Variants in MACROD2 observed in about 807,000 individuals in gnomAD.
The protein encoded by MACROD2 is ADP-ribose glycohydrolase MACROD2.
Under a neutral mutation model 70.4 loss-of-function variants are expected in MACROD2, and 36 were observed. The ratio of observed to expected loss-of-function variants is 0.51; its 90% confidence interval spans 0.39 to 0.68. The LOEUF (loss-of-function observed/expected upper bound fraction) is 0.68, where lower values mean the gene tolerates loss of function less well. MACROD2 is among the 30% of genes least tolerant of loss of function. The pLI, the probability that MACROD2 is intolerant of heterozygous loss-of-function variation, is 0.00. For missense variants in MACROD2, 496 were observed against 538.4 expected (o/e 0.92, Z 0.78); for synonymous variants, 172 against 178.8 (o/e 0.96, Z 0.30).
chr20:15,937,194 G>GAAACA (rs1338420704), intron 11 of MACROD2, among the ~76,000 whole-genome samples: 5 of 152,156 alleles, frequency 3.3e-5, no homozygotes, highest in Non-Finnish European at 5.9e-5. Flanking sequence ...GGATGAGGAA[G>GAAACA]AAACAAAATG....
chr20:14,189,993 G>T (rs1416196891), intron 3 of MACROD2, among the ~76,000 whole-genome samples: 1 of 152,092 alleles, frequency 6.6e-6, no homozygotes, highest in Non-Finnish European at 1.5e-5. Flanking sequence ...TCAAGAGGGC[G>T]CCATTAAGCA....
At chr20:14,567,648 T>C (rs960423882) in intron 4 of MACROD2, among the ~76,000 whole-genome samples, 1 of 152,102 alleles carries the variant, frequency 6.6e-6, no homozygotes, top group African/African-American at 2.4e-5. Flanking sequence ...GGTTGGCTCC[T>C]CCTTTAAAGT....
intron 4 of MACROD2, among the ~76,000 whole-genome samples, chr20:14,568,364 T>A (rs1979947087): frequency 6.6e-6 from 1 of 152,002 alleles, no homozygotes; most frequent in South Asian, 2.1e-4. Context: ...GACATGGCAA[T>A]TTGTCGCCTT....
At chr20:15,049,509 G>A (rs962516906) in intron 5 of MACROD2, among the ~76,000 whole-genome samples, 3 of 152,116 alleles carry the variant, frequency 2.0e-5, no homozygotes, top group African/African-American at 7.2e-5. Flanking sequence ...TTTAAAGTGA[G>A]AAGCTAAATC....
At chr20:14,137,987 A>G (rs2054822030) in intron 3 of MACROD2, among the ~76,000 whole-genome samples, 1 of 152,204 alleles carries the variant, frequency 6.6e-6, no homozygotes, top group African/African-American at 2.4e-5. Flanking sequence ...ACACATACAG[A>G]TGGCCAGTAG....
intron 6 of MACROD2, among the ~76,000 whole-genome samples, chr20:15,294,438 T>C (rs1352335474): frequency 1.3e-5 from 2 of 152,222 alleles, no homozygotes; most frequent in Non-Finnish European, 2.9e-5. Context: ...AAACCTCCCG[T>C]TTTCTTTAAT....
intron 5 of MACROD2, among the ~76,000 whole-genome samples, chr20:15,112,174 T>C (rs534195961): frequency 4.8e-4 from 73 of 152,298 alleles, no homozygotes; most frequent in African/African-American, 1.7e-3. Context: ...CCTGACAGGA[T>C]TTCTCTTATC....
At chr20:14,668,791 A>T (rs943645164) in intron 4 of MACROD2, among the ~76,000 whole-genome samples, 1 of 152,054 alleles carries the variant, frequency 6.6e-6, no homozygotes, top group African/African-American at 2.4e-5. Context: ...GCACATTTCC[A>T]TGAAAATTTA....
chr20:14,202,299 A>G (rs554069299), intron 3 of MACROD2, among the ~76,000 whole-genome samples: 2 of 152,312 alleles, frequency 1.3e-5, no homozygotes, highest in African/African-American at 4.8e-5. Flanking sequence ...TATTACCTAG[A>G]TTCATTGGTG....
At chr20:15,148,495 G>A (rs467202) in intron 5 of MACROD2, among the ~76,000 whole-genome samples, 136,320 of 152,010 alleles carry the variant, frequency 0.9, 61,430 homozygotes, top group East Asian at 1. Flanking sequence ...GCATCAGGAG[G>A]TATCAGCTGT....
intron 12 of MACROD2, among the ~76,000 whole-genome samples, chr20:15,946,507 A>G (rs944151459): frequency 6.6e-6 from 1 of 152,156 alleles, no homozygotes; most frequent in African/African-American, 2.4e-5. Context: ...TAGAGTAGTA[A>G]CTATCCTGCT....
intron 6 of MACROD2, among the ~76,000 whole-genome samples, chr20:15,306,353 C>T (rs1189829263): frequency 6.6e-6 from 1 of 152,180 alleles, no homozygotes; most frequent in Non-Finnish European, 1.5e-5. Context: ...GCTAATAACT[C>T]AGGTTCTGAG....
At chr20:14,127,384 A>G in intron 3 of MACROD2, 1 of 403,154 alleles carries the variant, frequency 2.5e-6, no homozygotes, top group Non-Finnish European at 4.6e-6. Flanking sequence ...GCTGCCTCAG[A>G]ACCCCTTTCC....
At chr20:15,065,548 G>A (rs918263229) in intron 5 of MACROD2, among the ~76,000 whole-genome samples, 1 of 151,698 alleles carries the variant, frequency 6.6e-6, no homozygotes, top group Non-Finnish European at 1.5e-5. Flanking sequence ...CAGCTACTCC[G>A]GAGGCTGAGG....
chr20:15,667,382 C>T (rs1022559786), intron 8 of MACROD2, among the ~76,000 whole-genome samples: 78 of 152,174 alleles, frequency 5.1e-4, no homozygotes, highest in African/African-American at 1.8e-3. Flanking sequence ...TGCAGAACCA[C>T]GAGCCAATTA....
At chr20:15,782,218 C>G (rs2051845803) in intron 8 of MACROD2, among the ~76,000 whole-genome samples, 1 of 152,116 alleles carries the variant, frequency 6.6e-6, no homozygotes, top group Admixed American at 6.5e-5. Flanking sequence ...GCACTCAGCA[C>G]AAAGTTTGGC....
intron 6 of MACROD2, among the ~76,000 whole-genome samples, chr20:15,304,691 C>G (rs897017508): frequency 6.6e-6 from 1 of 152,134 alleles, no homozygotes; most frequent in African/African-American, 2.4e-5. Context: ...GCAGACGACC[C>G]CTTCCCGCTC....
intron 5 of MACROD2, among the ~76,000 whole-genome samples, chr20:14,747,201 T>C (rs1177527791): frequency 6.6e-6 from 1 of 152,154 alleles, no homozygotes; most frequent in Non-Finnish European, 1.5e-5. Context: ...GTGAGAACTT[T>C]CCTGTCTTCA....
intron 4 of MACROD2, among the ~76,000 whole-genome samples, chr20:14,620,258 T>C (rs1600465750): frequency 6.6e-6 from 1 of 152,196 alleles, no homozygotes; most frequent in East Asian, 1.9e-4. Context: ...TCTTTCCTCC[T>C]GTCCAAGTGA....
Sources: gnomAD v4.1 joint callset for allele counts (sites outside exome capture counted in the v4.1 genomes callset) on GRCh38, gnomAD v4.1.1 for gene constraint, MANE v1.5 for transcripts, NCBI Gene and HGNC (gene_info 2026-07-23, HGNC 2026-07-21) for gene names.